HPSE2: variants seen among roughly 807,000 people sequenced by gnomAD.
The protein encoded by HPSE2 is inactive heparanase-2.
A neutral mutation model predicts 60.5 loss-of-function variants in HPSE2; 38 were observed. That is an observed-to-expected ratio of 0.63 (90% CI 0.48 to 0.82). The LOEUF is 0.82. HPSE2 is among the 40% of genes least tolerant of loss of function. The pLI is 0.00. For synonymous variants in HPSE2, 295 were observed against 293.2 expected (o/e 1.01, Z -0.06); for missense variants, 713 against 740.4 (o/e 0.96, Z 0.43).
At chr10:99,257,482 G>A in the HPSE2 span, among the ~76,000 whole-genome samples, 1 of 152,270 alleles carries the variant, frequency 6.6e-6, no homozygotes, top group East Asian at 1.9e-4. Context: ...AAGCTGTAGG[G>A]ATGAAATAAG....
At chr10:99,088,336 T>A (rs1394719996) in intron 3 of HPSE2, among the ~76,000 whole-genome samples, 1 of 152,184 alleles carries the variant, frequency 6.6e-6, no homozygotes, top group Non-Finnish European at 1.5e-5. Flanking sequence ...GTAGCCAATG[T>A]GTAGTCTTTT....
rs576479262 is a variant in HPSE2 at position 98,674,875 on chromosome 10, T to C, written c.1004+19025A>G. 2.6e-5 allele frequency among the ~76,000 whole-genome samples: 4 copies of C among 152,130 alleles called. No individual in the cohort carries two copies. The East Asian group carries it at 7.7e-4, about 29-fold the overall frequency. Reference sequence around the variant, plus strand: ...AAGTGGAGGCTGCAGTGAGCTGAGATCACACCAGTGCACTCCACCCTGGGC... The same window carrying C: ...AAGTGGAGGCTGCAGTGAGCTGAGACCACACCAGTGCACTCCACCCTGGGC... On this transcript the variant is annotated intron_variant, in intron 6 of 11. Transcript: ENST00000370552.
At chr10:98,695,453 A>G (rs1948187033) in intron 5 of HPSE2, among the ~76,000 whole-genome samples, 1 of 152,326 alleles carries the variant, frequency 6.6e-6, no homozygotes, top group Non-Finnish European at 1.5e-5. Context: ...CCAAAATGTC[A>G]ACGTGGGCTG....
intron 9 of HPSE2, among the ~76,000 whole-genome samples, chr10:98,551,751 T>C (rs1412109904): frequency 1.3e-5 from 2 of 152,180 alleles, no homozygotes; most frequent in Non-Finnish European, 2.9e-5. Flanking sequence ...CTTTTTTTTC[T>C]TTTTTGCTTA....
intron 2 of HPSE2, among the ~76,000 whole-genome samples, chr10:99,219,030 T>C (rs995299546): frequency 2.0e-5 from 3 of 152,232 alleles, no homozygotes; most frequent in Non-Finnish European, 4.4e-5. Context: ...AAAGTGTGCA[T>C]GGCTTAGTGA....
intron 5 of HPSE2, among the ~76,000 whole-genome samples, chr10:98,710,087 G>C (rs1948639727): frequency 6.6e-6 from 1 of 152,176 alleles, no homozygotes; most frequent in Non-Finnish European, 1.5e-5. Context: ...AATTCATCCT[G>C]AGTTATAGTA....
chr10:98,903,227 A>G (rs1019843391), intron 3 of HPSE2, among the ~76,000 whole-genome samples: 1 of 152,098 alleles, frequency 6.6e-6, no homozygotes, highest in African/African-American at 2.4e-5. Context: ...AAGAAAAACT[A>G]TAGAGATAGA....
chr10:98,703,631 A>G (rs1035783523), intron 5 of HPSE2, among the ~76,000 whole-genome samples: 4 of 152,296 alleles, frequency 2.6e-5, no homozygotes, highest in African/African-American at 9.6e-5. Flanking sequence ...CAAGTCAATA[A>G]ACATAATCCA....
intron 4 of HPSE2, among the ~76,000 whole-genome samples, chr10:98,727,176 G>A (rs1407389798): frequency 6.6e-6 from 1 of 152,130 alleles, no homozygotes; most frequent in South Asian, 2.1e-4. Context: ...TGGTATGGAA[G>A]TACAGAATTC....
At chr10:99,238,036 G>GT (rs1589857602), upstream of HPSE2, among the ~76,000 whole-genome samples, 4 of 152,216 alleles carry the variant, frequency 2.6e-5, no homozygotes, top group East Asian at 7.7e-4. Flanking sequence ...TCAATAATTT[G>GT]TTTTCCCAGT....
At chr10:98,644,338 A>AAGG (rs1447984030) in intron 6 of HPSE2, among the ~76,000 whole-genome samples, 2 of 152,362 alleles carry the variant, frequency 1.3e-5, no homozygotes, top group Admixed American at 1.3e-4. Flanking sequence ...GCAGAAACTT[A>AAGG]CACTGAAAGG....
chr10:98,648,805 A>C (rs929816600), intron 6 of HPSE2, among the ~76,000 whole-genome samples: 1 of 152,326 alleles, frequency 6.6e-6, no homozygotes, highest in South Asian at 2.1e-4. Context: ...GTAAGTATTT[A>C]TATCAAATGA....
chr10:98,923,810 GTTATC>G (rs1954361435), intron 3 of HPSE2, among the ~76,000 whole-genome samples: 1 of 151,910 alleles, frequency 6.6e-6, no homozygotes, highest in African/African-American at 2.4e-5. Flanking sequence ...CCTTCTCTGT[GTTATC>G]TTAAGTTTCT....
Position 99,130,767 on chromosome 10 carries a change from G to A in HPSE2, c.610+13471C>T, listed in dbSNP as rs190454345. ...ACTATTACAAGGTGACAGACCCGGGGCTTTGGGAGTTATCAATCGGACAAA... is the reference window on the plus strand; with the variant it reads ...ACTATTACAAGGTGACAGACCCGGGACTTTGGGAGTTATCAATCGGACAAA... On this transcript the variant is annotated intron_variant, in intron 3 of 11. Transcript: ENST00000370552. Among the ~76,000 whole-genome samples the A allele has an allele frequency of 1.2e-4, 19 of 152,350 alleles. No individual in the cohort carries two copies. In the East Asian group the frequency reaches 3.5e-3, roughly 28 times the overall value.
At chr10:99,175,232 T>A (rs1424982351) in intron 2 of HPSE2, among the ~76,000 whole-genome samples, 1 of 152,134 alleles carries the variant, frequency 6.6e-6, no homozygotes, top group African/African-American at 2.4e-5. Context: ...TTTTTGTTTT[T>A]TTCATACTCC....
intron 3 of HPSE2, among the ~76,000 whole-genome samples, chr10:99,109,860 G>A (rs1209543910): frequency 6.6e-6 from 1 of 152,148 alleles, no homozygotes; most frequent in Non-Finnish European, 1.5e-5. Context: ...TGTTTAATAT[G>A]AGTCGGGTTG....
chr10:99,119,645 C>T (rs1844866968), intron 3 of HPSE2, among the ~76,000 whole-genome samples: 1 of 152,056 alleles, frequency 6.6e-6, no homozygotes, highest in Non-Finnish European at 1.5e-5. Context: ...CAATCCTAAG[C>T]AAAAAGAACA....
chr10:98,723,081 G>A (rs989440473), intron 4 of HPSE2, among the ~76,000 whole-genome samples: 13 of 152,136 alleles, frequency 8.5e-5, no homozygotes, highest in African/African-American at 3.1e-4. Context: ...TGCCCATTCA[G>A]TATGATATTG....
chr10:99,164,724 C>G (rs578103837), intron 2 of HPSE2, among the ~76,000 whole-genome samples: 1 of 152,206 alleles, frequency 6.6e-6, no homozygotes, highest in Admixed American at 6.5e-5. Flanking sequence ...TCCAATCCAA[C>G]ACTAAAGAAT....
Sources: gnomAD v4.1 joint callset for allele counts (sites outside exome capture counted in the v4.1 genomes callset) on GRCh38, gnomAD v4.1.1 for gene constraint, MANE v1.5 for transcripts, NCBI Gene and HGNC (gene_info 2026-07-23, HGNC 2026-07-21) for gene names.